The following CRYBG1 variants were observed in gnomAD, a reference collection of about 807,000 sequenced individuals.
CRYBG1 encodes the protein crystallin beta-gamma domain containing 1.
CRYBG1 carries 139 observed loss-of-function variants against 189.2 expected under a neutral mutation model. That is an observed-to-expected ratio of 0.73 (90% confidence interval 0.64 to 0.85). The LOEUF is 0.85. Ranked by LOEUF, CRYBG1 falls within the 40% of genes least tolerant of loss-of-function variation. CRYBG1 has a pLI of 0.00. For missense variants in CRYBG1, 2,611 were observed against 2,675.8 expected (o/e 0.98, Z 0.53); for synonymous variants, 1,023 against 1,017.1 (o/e 1.01, Z -0.11).
In CRYBG1 at chr6:106,430,757, G is replaced by A. The variant is rs897393546; in HGVS notation, c.174-20937G>A. Among the ~76,000 whole-genome samples the A allele has an allele frequency of 2.0e-5, 3 of 152,064 alleles. No homozygotes were observed. In the East Asian group the frequency reaches 5.8e-4, roughly 29 times the overall value. On this transcript the variant is annotated intron_variant, in intron 1 of 21. Coordinates refer to ENST00000633556, the MANE Select transcript of CRYBG1 (RefSeq NM_001371242.2). ...CCCTCTCCATGGGGCGTCTGTAGCC[G>A]GGTAGCTGCACCTCTTACAAGCAGC... is the stretch of plus-strand genomic sequence containing the variant.
intron 18 of CRYBG1, among the ~76,000 whole-genome samples, chr6:106,558,923 A>G (rs1421248108): frequency 3.9e-5 from 6 of 152,124 alleles, no homozygotes; most frequent in African/African-American, 1.4e-4. Flanking sequence ...TGTTCACGCC[A>G]CTGTACTCCA....
intron 1 of CRYBG1, among the ~76,000 whole-genome samples, chr6:106,391,903 G>A (rs556188521): frequency 6.6e-6 from 1 of 151,196 alleles, no homozygotes; most frequent in African/African-American, 2.4e-5. Context: ...AAGTGGAGTC[G>A]TTTCCAAAAG....
chr6:106,504,869 C>T (rs752301067), intron 2 of CRYBG1, among the ~76,000 whole-genome samples: 1 of 151,886 alleles, frequency 6.6e-6, no homozygotes, highest in Non-Finnish European at 1.5e-5. Flanking sequence ...AGATGATATT[C>T]TGCCATACAC....
At chr6:106,518,997 ACACACACACAC>A in intron 3 of CRYBG1, 123 bp from the exon 4 acceptor site, 1 of 937,078 alleles carries the variant, frequency 1.1e-6, no homozygotes, top group Non-Finnish European at 1.6e-6. Flanking sequence ...ACACATACAC[ACACACACACAC>A]CACACTCCAA....
intron 1 of CRYBG1, among the ~76,000 whole-genome samples, chr6:106,382,664 A>G (rs1328434456): frequency 6.6e-6 from 1 of 152,216 alleles, no homozygotes; most frequent in Non-Finnish European, 1.5e-5. Flanking sequence ...ATGGAAAAGA[A>G]TGTAATCTCT....
intron 1 of CRYBG1, among the ~76,000 whole-genome samples, chr6:106,421,573 C>T (rs1402427194): frequency 6.6e-6 from 1 of 152,072 alleles, no homozygotes; most frequent in South Asian, 2.1e-4. Flanking sequence ...ATGAGGCCCT[C>T]CAAAGGGGAG....
At chr6:106,496,082 T>C (rs912949903) in intron 2 of CRYBG1, among the ~76,000 whole-genome samples, 6 of 152,206 alleles carry the variant, frequency 3.9e-5, no homozygotes, top group African/African-American at 1.4e-4. Context: ...AGTTATTATG[T>C]ATTGCACATA....
chr6:106,483,187 A>G (rs1461127456), intron 2 of CRYBG1, among the ~76,000 whole-genome samples: 3 of 151,834 alleles, frequency 2.0e-5, no homozygotes, highest in Admixed American at 6.6e-5. Context: ...CTCTGCTTCT[A>G]TGTTATCTAC....
intron 2 of CRYBG1, among the ~76,000 whole-genome samples, chr6:106,467,902 T>C (rs1161350751): frequency 6.6e-6 from 1 of 152,178 alleles, no homozygotes; most frequent in East Asian, 1.9e-4. Flanking sequence ...TCCTACTTTT[T>C]AAGTACTTCT....
intron 1 of CRYBG1, among the ~76,000 whole-genome samples, chr6:106,422,512 T>C (rs964996729): frequency 1.3e-5 from 2 of 151,854 alleles, no homozygotes; most frequent in Non-Finnish European, 2.9e-5. Context: ...TTGTATTGTT[T>C]TTTAGAGAGC....
chr6:106,525,884 T>C (rs1389643693), intron 6 of CRYBG1, among the ~76,000 whole-genome samples: 1 of 152,224 alleles, frequency 6.6e-6, no homozygotes, highest in Non-Finnish European at 1.5e-5. Flanking sequence ...TTTCTAACTT[T>C]TTAATGACAG....
chr6:106,400,502 G>T lies in CRYBG1; in HGVS notation c.173+39421G>T, dbSNP rs373513218. On this transcript the variant is annotated intron_variant, in intron 1 of 21. Transcript: ENST00000633556. ...ATAGGAATAGAAACAAACAACAGAA[G>T]CCTGGTCAGAGACTAGGCAGAAAAT... Among the ~76,000 whole-genome samples the T allele has an allele frequency of 5.3e-5, 8 of 152,266 alleles. No homozygotes were observed. In the East Asian group the frequency reaches 7.7e-4, roughly 15 times the overall value.
chr6:106,546,901 G>C lies in CRYBG1; in HGVS notation c.5312+1968G>C, dbSNP rs1445365000. 2.0e-5 allele frequency among the ~76,000 whole-genome samples: 3 copies of C among 152,114 alleles called. No homozygotes were observed. In the East Asian group the frequency reaches 5.8e-4, roughly 29 times the overall value. Reference sequence around the variant, plus strand: ...TAGTCAGAGCCTAGTCATCCACCCTGGCAGAGGAAGCAAAAGGATGCTGGG... The same window carrying C: ...TAGTCAGAGCCTAGTCATCCACCCTCGCAGAGGAAGCAAAAGGATGCTGGG... On this transcript the variant is annotated intron_variant, in intron 13 of 21. Transcript: ENST00000633556.
chr6:106,442,427 G>A (rs1427655582), intron 1 of CRYBG1, among the ~76,000 whole-genome samples: 1 of 152,202 alleles, frequency 6.6e-6, no homozygotes, highest in Non-Finnish European at 1.5e-5. Context: ...GTGGGGCAAA[G>A]GTAAACAAAA....
In CRYBG1 at chr6:106,460,036, G is replaced by T. The variant is rs1345221207; in HGVS notation, c.312+8204G>T. On this transcript the variant is annotated intron_variant, in intron 2 of 21. Transcript: ENST00000633556. ...TTTGTTTTTGTTTGTTTGTTTGTTTGTTTTTTTGAGACAGAGTCGCCCAGG... is the reference window on the plus strand; with the variant it reads ...TTTGTTTTTGTTTGTTTGTTTGTTTTTTTTTTTGAGACAGAGTCGCCCAGG... Among the ~76,000 whole-genome samples, 7 of 151,768 alleles carry T rather than the reference G, an allele frequency of 4.6e-5. No homozygotes were observed. In the East Asian group the frequency reaches 7.7e-4, roughly 17 times the overall value.
rs774933048 is a variant in CRYBG1 at position 106,519,314 on chromosome 6, G to A, written c.2106G>A (p.Arg702=). The change falls in exon 4 of 22, where the codon AGG becomes AGA. Residue 702 remains arginine (R), a synonymous_variant. Transcript: ENST00000633556. The part of the protein sequence containing the change: ...SPRHTDIRGQ[R]NTPASSKTFV... Reference sequence around the variant, plus strand: ...GACACACTGACATTCGAGGCCAAAGGAATACTCCTGCCTCTAGTAAAACGT... The same window carrying A: ...GACACACTGACATTCGAGGCCAAAGAAATACTCCTGCCTCTAGTAAAACGT... The A allele has an allele frequency of 3.3e-5, 54 of 1,613,920 alleles. 1 individual carries two copies. The South Asian group carries it at 5.5e-4, about 16-fold the overall frequency.
At chr6:106,402,721 C>T (rs1770744482) in intron 1 of CRYBG1, among the ~76,000 whole-genome samples, 1 of 152,128 alleles carries the variant, frequency 6.6e-6, no homozygotes, top group African/African-American at 2.4e-5. Context: ...TTAAGAGTCA[C>T]TCCGGATCAT....
intron 1 of CRYBG1, among the ~76,000 whole-genome samples, chr6:106,398,593 T>C (rs1349826984): frequency 5.9e-5 from 9 of 152,212 alleles, no homozygotes; most frequent in Non-Finnish European, 1.3e-4. Flanking sequence ...CCCCAAGTAT[T>C]CAAACACTTC....
At chr6:106,537,278 G>T (rs1774026975) in intron 8 of CRYBG1, among the ~76,000 whole-genome samples, 1 of 152,212 alleles carries the variant, frequency 6.6e-6, no homozygotes, top group Non-Finnish European at 1.5e-5. Context: ...TTGCTCGTGA[G>T]CCGTACATTC....
Sources: allele counts gnomAD v4.1 joint callset (sites outside exome capture counted in the v4.1 genomes callset), GRCh38; gene constraint gnomAD v4.1.1; transcripts MANE v1.5; gene names NCBI Gene and HGNC (gene_info 2026-07-23, HGNC 2026-07-21).